Variants in ARSB observed in about 807,000 individuals in gnomAD.
ARSB encodes N-acetylgalactosamine-4-sulfatase.
In ARSB, 41 loss-of-function variants were observed where a neutral mutation model predicts 50.9. The ratio of observed to expected loss-of-function variants is 0.81; its 90% CI spans 0.63 to 1.04. The LOEUF is 1.04. Among genes scored for constraint, ARSB ranks in the 50% least tolerant of loss-of-function variants. The pLI, the probability that ARSB is intolerant of heterozygous loss-of-function variation, is 0.00. For synonymous variants in ARSB, 269 were observed against 284.8 expected (o/e 0.94, Z 0.56); for missense variants, 672 against 693.3 (o/e 0.97, Z 0.35).
chr5:78,912,750 C>T (rs968878223), intron 4 of ARSB, among the ~76,000 whole-genome samples: 9 of 152,164 alleles, frequency 5.9e-5, no homozygotes, highest in Non-Finnish European at 1.3e-4. Flanking sequence ...GAGCTTCTCC[C>T]CCATGTGACC....
intron 4 of ARSB, among the ~76,000 whole-genome samples, chr5:78,886,097 C>T (rs1470034217): frequency 6.6e-6 from 1 of 152,098 alleles, no homozygotes; most frequent in African/African-American, 2.4e-5. Flanking sequence ...ATGATATGCG[C>T]TTTGGAGATC....
At chr5:78,918,898 C>G (rs1222201396) in intron 4 of ARSB, among the ~76,000 whole-genome samples, 1 of 152,106 alleles carries the variant, frequency 6.6e-6, no homozygotes, top group Non-Finnish European at 1.5e-5. Flanking sequence ...CACCCCTCTG[C>G]CGATGAAAGT....
At chr5:78,984,832 G>A in intron 1 of ARSB, 105 bp downstream of exon 1, 4 of 962,890 alleles carry the variant, frequency 4.2e-6, no homozygotes, top group Non-Finnish European at 5.3e-6. Flanking sequence ...TCGGCGGTCC[G>A]AGCCCCGCCT....
At chr5:78,885,895 G>A (rs1748011442) in intron 4 of ARSB, 68 bp from the exon 5 acceptor site, 3 of 1,607,702 alleles carry the variant, frequency 1.9e-6, no homozygotes, top group African/African-American at 1.3e-5. Context: ...AACAGAGACT[G>A]TATGTACATT....
At chr5:78,823,398 C>A (rs1353970688) in intron 6 of ARSB, among the ~76,000 whole-genome samples, 1 of 152,204 alleles carries the variant, frequency 6.6e-6, no homozygotes, top group African/African-American at 2.4e-5. Context: ...AAAGTAGTGG[C>A]ACTCCTAATC....
intron 4 of ARSB, among the ~76,000 whole-genome samples, chr5:78,942,581 A>C (rs1432232945): frequency 6.6e-6 from 1 of 152,150 alleles, no homozygotes; most frequent in Non-Finnish European, 1.5e-5. Context: ...GTTTCCATGT[A>C]GTTGAATGGT....
At chr5:78,920,054 A>G (rs1749731375) in intron 4 of ARSB, among the ~76,000 whole-genome samples, 1 of 152,176 alleles carries the variant, frequency 6.6e-6, no homozygotes, top group South Asian at 2.1e-4. Context: ...AAAAAAGGCC[A>G]GCTTCACATC....
chr5:78,980,186 A>C (rs1243040922), intron 1 of ARSB, among the ~76,000 whole-genome samples: 1 of 152,238 alleles, frequency 6.6e-6, no homozygotes, highest in Admixed American at 6.5e-5. Flanking sequence ...ATGTACAAAA[A>C]ACCATTGAAT....
chr5:78,929,393 C>T (rs879535406), intron 4 of ARSB, among the ~76,000 whole-genome samples: 1 of 152,128 alleles, frequency 6.6e-6, no homozygotes, highest in Admixed American at 6.6e-5. Flanking sequence ...AAGGAAATCT[C>T]CACACCACAC....
At chr5:78,970,680 G>A (rs1291192901) in intron 1 of ARSB, among the ~76,000 whole-genome samples, 4 of 152,270 alleles carry the variant, frequency 2.6e-5, no homozygotes, top group Middle Eastern at 6.8e-3. Flanking sequence ...TGGGCCAGGC[G>A]GGGTGGCTTA....
At chr5:78,784,998 C>A (rs1393604874) in intron 6 of ARSB, among the ~76,000 whole-genome samples, 5 of 152,032 alleles carry the variant, frequency 3.3e-5, no homozygotes, top group African/African-American at 4.8e-5. Flanking sequence ...CAGAGTTTCA[C>A]CATGTTGGCC....
chr5:78,904,174 AG>A (rs1748930709), intron 4 of ARSB, among the ~76,000 whole-genome samples: 1 of 152,244 alleles, frequency 6.6e-6, no homozygotes, highest in Non-Finnish European at 1.5e-5. Context: ...GTGTATCAAC[AG>A]TTCATTACAC....
At chr5:78,878,630 C>T (rs1747597860) in intron 5 of ARSB, among the ~76,000 whole-genome samples, 1 of 151,278 alleles carries the variant, frequency 6.6e-6, no homozygotes, top group African/African-American at 2.4e-5. Flanking sequence ...GACCATCATG[C>T]TTTATTTGGC....
intron 4 of ARSB, among the ~76,000 whole-genome samples, chr5:78,925,822 G>A (rs1030763340): frequency 6.6e-5 from 10 of 152,138 alleles, no homozygotes; most frequent in African/African-American, 1.9e-4. Flanking sequence ...TTTACAAAAC[G>A]GTGATAATTA....
intron 4 of ARSB, among the ~76,000 whole-genome samples, chr5:78,947,035 A>G (rs777712450): frequency 6.6e-6 from 1 of 151,866 alleles, no homozygotes; most frequent in Non-Finnish European, 1.5e-5. Context: ...GAGAAAGGAT[A>G]GTCTCTTCAA....
At chr5:78,789,112 A>G (rs73118701) in intron 6 of ARSB, among the ~76,000 whole-genome samples, 1 of 152,260 alleles carries the variant, frequency 6.6e-6, no homozygotes, top group Non-Finnish European at 1.5e-5. Context: ...TTGACCTTGG[A>G]AAGTATTGTA....
chr5:78,981,916 T>TAACAACTTCCTTCAAGTAACTCA (rs1223776867), intron 1 of ARSB, among the ~76,000 whole-genome samples: 5 of 40,558 alleles, frequency 1.2e-4, no homozygotes, highest in African/African-American at 3.4e-4. Flanking sequence ...ATATGACTCT[T>TAACAACTTCCTTCAAGTAACTCA]TTTTTTTTTT....
chr5:78,782,794 C>T (rs1748963973), intron 6 of ARSB, among the ~76,000 whole-genome samples: 1 of 152,212 alleles, frequency 6.6e-6, no homozygotes, highest in Non-Finnish European at 1.5e-5. Context: ...TGACCCTTGA[C>T]TTAGAAAGAT....
chr5:78,952,159 A>C (rs1399925335), intron 4 of ARSB, among the ~76,000 whole-genome samples: 2 of 151,818 alleles, frequency 1.3e-5, no homozygotes, highest in Non-Finnish European at 2.9e-5. Context: ...TGTTACTACT[A>C]CCAGCTTGAA....
Sources: allele counts gnomAD v4.1 joint callset (sites outside exome capture counted in the v4.1 genomes callset), GRCh38; gene constraint gnomAD v4.1.1; transcripts MANE v1.5; gene names NCBI Gene and HGNC (gene_info 2026-07-23, HGNC 2026-07-21).